SLCO1A2: variants seen among roughly 807,000 people sequenced by gnomAD.
SLCO1A2 encodes the protein solute carrier organic anion transporter family member 1A2, also known as OATP-1.
Under a neutral mutation model 69.0 loss-of-function variants are expected in SLCO1A2, and 67 were observed. That is an observed-to-expected ratio of 0.97 (90% CI 0.80 to 1.19). SLCO1A2 has a LOEUF of 1.19. Among genes scored for constraint, SLCO1A2 ranks in the 50% most tolerant of loss-of-function variants. The pLI is 0.00. For synonymous variants in SLCO1A2, 260 were observed against 265.9 expected (o/e 0.98, Z 0.22); for missense variants, 787 against 793.7 (o/e 0.99, Z 0.10).
upstream of SLCO1A2, among the ~76,000 whole-genome samples, chr12:21,338,632 C>G (rs11833926): frequency 0.11 from 17,295 of 151,962 alleles, 1,681 homozygotes; most frequent in African/African-American, 0.26. Context: ...CTGTCCAGCT[C>G]TGATTTTAGT....
intron 2 of SLCO1A2, among the ~76,000 whole-genome samples, chr12:21,357,318 C>T (rs1210629434): frequency 6.6e-6 from 1 of 152,140 alleles, no homozygotes. Context: ...GATAATGCCT[C>T]ATGGGAATGA....
At chr12:21,304,637 CTA>C (rs569035859) in intron 5 of SLCO1A2, 64 bp from the exon 6 acceptor site, 1 of 1,429,430 alleles carries the variant, frequency 7.0e-7, no homozygotes, top group Admixed American at 2.0e-5. Flanking sequence ...AATATTAATT[CTA>C]TGTTTTCTGT....
chr12:21,294,161 T>G, intron 10 of SLCO1A2, 51 bp from the exon 11 acceptor site: 3 of 1,331,906 alleles, frequency 2.3e-6, no homozygotes, highest in Non-Finnish European at 3.0e-6. Context: ...ATTCAATCCT[T>G]TTTTTCTTCT....
intron 2 of SLCO1A2, among the ~76,000 whole-genome samples, chr12:21,353,893 G>T (rs1271610075): frequency 6.6e-6 from 1 of 152,158 alleles, no homozygotes; most frequent in East Asian, 1.9e-4. Flanking sequence ...CTTACAGTAA[G>T]TAATTTTTTA....
chr12:21,377,574 C>T (rs1197997531), intron 1 of SLCO1A2, among the ~76,000 whole-genome samples: 2 of 152,182 alleles, frequency 1.3e-5, no homozygotes, highest in Non-Finnish European at 2.9e-5. Flanking sequence ...TCCCCCTCTC[C>T]CTTGCCCCTG....
At chr12:21,353,458 T>C (rs1035991621) in intron 2 of SLCO1A2, among the ~76,000 whole-genome samples, 1 of 151,136 alleles carries the variant, frequency 6.6e-6, no homozygotes, top group Admixed American at 6.6e-5. Context: ...TCTTTATTTT[T>C]GGGATGGTGC....
intron 14 of SLCO1A2, among the ~76,000 whole-genome samples, chr12:21,270,630 G>C (rs976916358): frequency 6.6e-6 from 1 of 151,602 alleles, no homozygotes; most frequent in Non-Finnish European, 1.5e-5. Flanking sequence ...GGTACCTTGG[G>C]AGATGAGCAC....
intron 11 of SLCO1A2, 73 bp from the exon 12 acceptor site, chr12:21,292,409 C>T (rs1009237963): frequency 2.5e-5 from 31 of 1,224,456 alleles, no homozygotes; most frequent in Admixed American, 9.6e-5. Flanking sequence ...TCTACACAGC[C>T]AGTTGGATCA....
intron 12 of SLCO1A2, among the ~76,000 whole-genome samples, chr12:21,280,251 T>C (rs60594228): frequency 0.14 from 21,803 of 152,072 alleles, 1,671 homozygotes; most frequent in African/African-American, 0.19. Flanking sequence ...GATTATTTAA[T>C]GTAAATAGAC....
At chr12:21,362,547 C>A (rs1323272612) in intron 2 of SLCO1A2, among the ~76,000 whole-genome samples, 1 of 152,108 alleles carries the variant, frequency 6.6e-6, no homozygotes, top group Non-Finnish European at 1.5e-5. Context: ...TCACACATAA[C>A]AATATTAACC....
intron 1 of SLCO1A2, among the ~76,000 whole-genome samples, chr12:21,403,227 T>C (rs1244008289): frequency 6.6e-6 from 1 of 152,152 alleles, no homozygotes; most frequent in African/African-American, 2.4e-5. Context: ...ACAAACAATA[T>C]TATTACTACC....
chr12:21,379,537 G>C (rs760037340), intron 1 of SLCO1A2: 2 of 152,174 alleles, frequency 1.3e-5, no homozygotes, highest in Non-Finnish European at 2.9e-5. Flanking sequence ...AGACATTTCT[G>C]GCAGAGGTTA....
intron 12 of SLCO1A2, 108 bp from the exon 13 acceptor site, chr12:21,275,532 A>C (rs1458629712): frequency 8.7e-7 from 1 of 1,153,814 alleles, no homozygotes; most frequent in Middle Eastern, 3.3e-4. Flanking sequence ...AACATTCAAA[A>C]TTTTACTTTC....
chr12:21,308,419 G>C (rs534366566), intron 4 of SLCO1A2, among the ~76,000 whole-genome samples: 37 of 152,302 alleles, frequency 2.4e-4, no homozygotes, highest in African/African-American at 7.0e-4. Flanking sequence ...GAACATTCAG[G>C]CAAGATACTT....
intron 2 of SLCO1A2, among the ~76,000 whole-genome samples, chr12:21,326,552 G>A (rs1952245612): frequency 6.6e-6 from 1 of 152,140 alleles, no homozygotes; most frequent in African/African-American, 2.4e-5. Context: ...ATAATGATAT[G>A]GACAATAAAG....
Position 21,277,550 on chromosome 12 carries a change from A to T in SLCO1A2, c.1611-2126T>A, listed in dbSNP as rs566770811. 5.9e-5 allele frequency among the ~76,000 whole-genome samples: 9 copies of T among 152,076 alleles called. No individual in the cohort carries two copies. The East Asian group carries it at 1.8e-3, about 30-fold the overall frequency. ...CAAAGGGAATTCTGTCTTGCATCTT[A>T]GGTAACAGCTCAGCCACAATGGGGT... On this transcript the variant is annotated intron_variant, in intron 12 of 14. Coordinates refer to ENST00000683939, the MANE Select transcript of SLCO1A2 (RefSeq NM_001386879.1).
At chr12:21,287,030 A>G (rs1244188318) in intron 12 of SLCO1A2, among the ~76,000 whole-genome samples, 3 of 131,540 alleles carry the variant, frequency 2.3e-5, no homozygotes, top group Non-Finnish European at 4.9e-5. Flanking sequence ...TAAACTAAAG[A>G]GCTTCTGCAC....
intron 2 of SLCO1A2, among the ~76,000 whole-genome samples, chr12:21,340,645 G>A (rs1953036925): frequency 6.6e-6 from 1 of 151,900 alleles, no homozygotes; most frequent in Non-Finnish European, 1.5e-5. Flanking sequence ...TTCACTATGA[G>A]GAAATCCACT....
At chr12:21,384,896 G>C (rs930442498) in intron 1 of SLCO1A2, among the ~76,000 whole-genome samples, 1 of 151,620 alleles carries the variant, frequency 6.6e-6, no homozygotes, top group Non-Finnish European at 1.5e-5. Flanking sequence ...TTCCCGAGTA[G>C]CTGGGACTAC....
Sources: gnomAD v4.1 joint callset for allele counts (sites outside exome capture counted in the v4.1 genomes callset) on GRCh38, gnomAD v4.1.1 for gene constraint, MANE v1.5 for transcripts, NCBI Gene and HGNC (gene_info 2026-07-23, HGNC 2026-07-21) for gene names.